Variants in KLRD1 observed in about 807,000 individuals in gnomAD.
The protein encoded by KLRD1 is natural killer cells antigen CD94.
KLRD1 carries 21 observed loss-of-function variants against 22.6 expected under a neutral mutation model. The observed-to-expected ratio is 0.93, with a 90% CI of 0.66 to 1.34. The LOEUF (loss-of-function observed/expected upper bound fraction) is 1.34, where lower values mean the gene tolerates loss of function less well. Among genes scored for constraint, KLRD1 ranks in the 40% most tolerant of loss-of-function variants. KLRD1 has a pLI of 0.00. For missense variants in KLRD1, 183 were observed against 208.6 expected (o/e 0.88, Z 0.76); for synonymous variants, 59 against 71.1 (o/e 0.83, Z 0.85).
In KLRD1 at chr12:10,320,262, A is replaced by AG. The variant is rs1396374680; in HGVS notation, c.*5470dup. 2 of 41,056 alleles carry AG rather than the reference A, an allele frequency of 4.9e-5. No homozygotes were observed. Among genetic ancestry groups the AG allele is most frequent in the Non-Finnish European group, 1.8e-4 (2 of 11,008 alleles). The allele number at this position is 41,056 out of a possible 1,614,324, so 2.5% of individuals were successfully genotyped here. A position where few individuals can be genotyped will look rare whatever the true frequency, so the allele number is the denominator to read the frequency against. Reference sequence around the variant, plus strand: ...ACCAAGAATGAAGTTACTATTATAAAGAAAAAAAAAAACCACTAAAATTTT... The same window carrying AG: ...ACCAAGAATGAAGTTACTATTATAAAGGAAAAAAAAAAACCACTAAAATTTT... On this transcript the variant is annotated 3_prime_UTR_variant, in exon 6 of 6. Coordinates refer to ENST00000336164, the MANE Select transcript of KLRD1 (RefSeq NM_002262.5).
intron 1 of KLRD1, among the ~76,000 whole-genome samples, chr12:10,266,303 G>C (rs1198366154): frequency 6.6e-6 from 1 of 152,002 alleles, no homozygotes; most frequent in East Asian, 1.9e-4. Context: ...TTGTATGAGA[G>C]GGTCCATTCT....
intron 1 of KLRD1, among the ~76,000 whole-genome samples, chr12:10,258,144 GT>G (rs1194438823): frequency 3.3e-5 from 5 of 152,132 alleles, no homozygotes; most frequent in Non-Finnish European, 4.4e-5. Flanking sequence ...GCTTAGGTCA[GT>G]TTTTCCTTAC....
At chr12:10,256,325 G>A (rs1949394532) in intron 1 of KLRD1, among the ~76,000 whole-genome samples, 1 of 151,250 alleles carries the variant, frequency 6.6e-6, no homozygotes, top group African/African-American at 2.4e-5. Flanking sequence ...ATTACTGATG[G>A]GGAAGGACTT....
chr12:10,271,220 C>T (rs776687657), intron 1 of KLRD1, among the ~76,000 whole-genome samples: 1 of 152,000 alleles, frequency 6.6e-6, no homozygotes, highest in South Asian at 2.1e-4. Context: ...GTTACTTCAT[C>T]GTGTTCATCA....
intron 1 of KLRD1, among the ~76,000 whole-genome samples, chr12:10,239,521 T>TTCTTTC (rs1555098552): frequency 4.4e-4 from 9 of 20,232 alleles, no homozygotes; most frequent in African/African-American, 1.5e-3. Context: ...TCCCTCCCCT[T>TTCTTTC]TCTTTCTTTC....
intron 1 of KLRD1, among the ~76,000 whole-genome samples, chr12:10,264,532 C>T (rs1474310170): frequency 6.6e-6 from 1 of 151,912 alleles, no homozygotes; most frequent in Non-Finnish European, 1.5e-5. Context: ...TTCATTTTAT[C>T]GAATTGTATT....
At chr12:10,283,651 C>T (rs555713526) in intron 1 of KLRD1, among the ~76,000 whole-genome samples, 1 of 152,184 alleles carries the variant, frequency 6.6e-6, no homozygotes, top group Admixed American at 6.5e-5. Context: ...CCTCTTCCTA[C>T]CTTCCAAATC....
At chr12:10,292,906 T>G (rs761422437) in intron 1 of KLRD1, among the ~76,000 whole-genome samples, 26 of 151,966 alleles carry the variant, frequency 1.7e-4, no homozygotes, top group Middle Eastern at 3.2e-3. Flanking sequence ...CTTAGTTAGA[T>G]CTTCTGGATA....
chr12:10,246,440 G>C lies in KLRD1; in HGVS notation c.-101+20207G>C, dbSNP rs12581993. ...GATATAGATGAAGTGTGTATAACAG[G>C]TTCTTATACAGTTCAGAATTATCCT... On this transcript the variant is annotated intron_variant, in intron 1 of 5. Transcript: ENST00000544747. Among the ~76,000 whole-genome samples, 313 of 152,168 alleles carry C rather than the reference G, an allele frequency of 2.1e-3. 1 individual carries two copies. The highest frequency in any genetic ancestry group is 3.5e-3 in the Non-Finnish European group (236 of 68,000).
At chr12:10,295,874 G>A (rs1359819314) in intron 1 of KLRD1, among the ~76,000 whole-genome samples, 1 of 151,966 alleles carries the variant, frequency 6.6e-6, no homozygotes, top group Non-Finnish European at 1.5e-5. Flanking sequence ...TGCCCTTTAG[G>A]TGATTAGAGA....
upstream of KLRD1, among the ~76,000 whole-genome samples, chr12:10,303,467 A>G (rs986701822): frequency 2.0e-5 from 3 of 152,184 alleles, no homozygotes; most frequent in Non-Finnish European, 4.4e-5. Context: ...TTTTCTTGCT[A>G]TGTAAATGAG....
chr12:10,240,636 TC>T (rs1409260784), intron 1 of KLRD1, among the ~76,000 whole-genome samples: 1 of 152,100 alleles, frequency 6.6e-6, no homozygotes, highest in Non-Finnish European at 1.5e-5. Context: ...TGAGTGTGTA[TC>T]TCCCATGAGT....
At chr12:10,285,092 A>G (rs1295078695) in intron 1 of KLRD1, among the ~76,000 whole-genome samples, 1 of 152,208 alleles carries the variant, frequency 6.6e-6, no homozygotes, top group Non-Finnish European at 1.5e-5. Context: ...TCTATGCCCT[A>G]TTCCTGTGAG....
Position 10,239,415 on chromosome 12 carries a change from T to TC in KLRD1, c.-101+13183dup, listed in dbSNP as rs540805616. 6.3e-4 allele frequency among the ~76,000 whole-genome samples: 34 copies of TC among 54,220 alleles called. 1 individual carries two copies. Among genetic ancestry groups the TC allele is most frequent in the African/African-American group, 2.2e-3 (34 of 15,472 alleles). The allele number at this position is 54,220 out of a possible 152,430, so 35.6% of individuals were successfully genotyped here. On this transcript the variant is annotated intron_variant, in intron 1 of 5. Coordinates refer to the KLRD1 transcript ENST00000544747. ...TGGCAGCAGCATTTCCTTCCTTCCTTCTTTCCATCCTTCCTTCCTTTCCTT... is the reference window on the plus strand; with the variant it reads ...TGGCAGCAGCATTTCCTTCCTTCCTTCCTTTCCATCCTTCCTTCCTTTCCTT...
rs1296942619 is a variant in KLRD1 at position 10,243,633 on chromosome 12, A to C, written c.-101+17400A>C. 4.8e-5 allele frequency among the ~76,000 whole-genome samples: 7 copies of C among 146,004 alleles called. 1 individual carries two copies. The highest frequency in any genetic ancestry group is 2.2e-4 in the South Asian group (1 of 4,646). On this transcript the variant is annotated intron_variant, in intron 1 of 5. Coordinates refer to the KLRD1 transcript ENST00000544747. ...AAAAAAAAAAAAAAAAAAAAAAAAA[A>C]CCGAAATGAAAGATATGGAACAATG... is the stretch of plus-strand genomic sequence containing the variant.
At chr12:10,296,430 C>T (rs764396645) in intron 1 of KLRD1, among the ~76,000 whole-genome samples, 5 of 152,154 alleles carry the variant, frequency 3.3e-5, no homozygotes, top group Middle Eastern at 3.4e-3. Context: ...GCAGGAGAAT[C>T]GAGTGAACCC....
upstream of KLRD1, chr12:10,307,865 T>G (rs1196627753): frequency 3.7e-6 from 2 of 547,354 alleles, no homozygotes; most frequent in Non-Finnish European, 6.5e-6. Context: ...ATTCTACTGC[T>G]TCTTATTCAC....
At chr12:10,253,891 G>C (rs1949367042) in intron 1 of KLRD1, among the ~76,000 whole-genome samples, 3 of 152,116 alleles carry the variant, frequency 2.0e-5, no homozygotes, top group Non-Finnish European at 4.4e-5. Context: ...ACATGCATGT[G>C]TCTTCGTGGT....
intron 1 of KLRD1, among the ~76,000 whole-genome samples, chr12:10,297,700 A>G (rs1045287200): frequency 2.0e-5 from 3 of 152,150 alleles, no homozygotes; most frequent in African/African-American, 7.2e-5. Context: ...TCTTCTAACC[A>G]AACACTGGAG....
Sources: gnomAD v4.1 joint callset for allele counts (sites outside exome capture counted in the v4.1 genomes callset) on GRCh38, gnomAD v4.1.1 for gene constraint, MANE v1.5 for transcripts, NCBI Gene and HGNC (gene_info 2026-07-23, HGNC 2026-07-21) for gene names.